Variants in ANLN observed in about 807,000 individuals in gnomAD.
ANLN encodes the protein anillin.
A neutral mutation model predicts 135.1 loss-of-function variants in ANLN; 59 were observed. That is an observed-to-expected ratio of 0.44 (90% CI 0.35 to 0.54). ANLN has a LOEUF of 0.54. ANLN is among the 20% of genes least tolerant of loss of function. The pLI is 0.00. For synonymous variants in ANLN, 406 were observed against 456.4 expected, an observed-to-expected ratio of 0.89 and a Z score of 1.41; for missense variants, 1,182 against 1,340.0, an observed-to-expected ratio of 0.88 and a Z score of 1.84.
At chr7:36,413,926 G>A (rs988790528) in intron 7 of ANLN, among the ~76,000 whole-genome samples, 3 of 151,948 alleles carry the variant, frequency 2.0e-5, no homozygotes, top group Admixed American at 6.5e-5. Flanking sequence ...CCTGGGAGTC[G>A]GAGGTTGCAG....
intron 7 of ANLN, among the ~76,000 whole-genome samples, chr7:36,413,726 C>T (rs1787521679): frequency 6.6e-6 from 1 of 152,162 alleles, no homozygotes; most frequent in Non-Finnish European, 1.5e-5. Context: ...CGTGGTGGCT[C>T]CCGCCTGTAA....
chr7:36,431,115 T>A (rs532611803), intron 20 of ANLN, among the ~76,000 whole-genome samples: 23 of 152,164 alleles, frequency 1.5e-4, no homozygotes, highest in African/African-American at 5.6e-4. Context: ...AACAATGGAA[T>A]TCTGTTAAAT....
At chr7:36,446,791 C>T (rs1789019662) in intron 22 of ANLN, among the ~76,000 whole-genome samples, 1 of 152,168 alleles carries the variant, frequency 6.6e-6, no homozygotes, top group African/African-American at 2.4e-5. Context: ...TTCACTGATC[C>T]ACAATGCCAT....
chr7:36,437,405 G>A (rs546738207), intron 20 of ANLN, among the ~76,000 whole-genome samples: 11 of 152,178 alleles, frequency 7.2e-5, no homozygotes, highest in East Asian at 1.9e-4. Context: ...TTGTATGTAT[G>A]TACCGCATTT....
At chr7:36,418,927 T>G (rs1787759378) in intron 9 of ANLN, among the ~76,000 whole-genome samples, 1 of 152,016 alleles carries the variant, frequency 6.6e-6, no homozygotes, top group African/African-American at 2.4e-5. Flanking sequence ...CTAATTTTTT[T>G]TGTATTTTTA....
rs1789325810 is a variant in ANLN at position 36,453,471 on chromosome 7, G to T, written c.*871G>T. 1 of 152,074 alleles carries T rather than the reference G, an allele frequency of 6.6e-6. No individual in the cohort carries two copies. The highest frequency in any genetic ancestry group is 1.5e-5 in the Non-Finnish European group (1 of 68,006). The allele number at this position is 152,074 out of a possible 1,614,324, so 9.4% of individuals were successfully genotyped here. The stretch of plus-strand genomic sequence containing the variant: ...GTTTGGGTTTTGTTGTTGTTTGTTT[G>T]TTTGTTTGTTTTTGGTTCATGAACA... On this transcript the variant is annotated 3_prime_UTR_variant, in exon 24 of 24. Transcript: ENST00000265748.
rs1328507661 is a variant in ANLN at position 36,425,774 on chromosome 7, G to A, written c.2748+34G>A. ...AATTTTTGAGAAATTGAGCTTCCTT[G>A]AGAAATCTTCATCTTACCCATACAG... On this transcript the variant is annotated intron_variant, in intron 18 of 23. Coordinates refer to ENST00000265748, the MANE Select transcript of ANLN (RefSeq NM_018685.5). 8 of 1,597,622 alleles carry A rather than the reference G, an allele frequency of 5.0e-6. No individual in the cohort carries two copies. In the African/African-American group the frequency reaches 9.4e-5, roughly 19 times the overall value.
In ANLN at chr7:36,406,265, C is replaced by A; in HGVS notation, c.572C>A (p.Ala191Asp). Residue 191 changes from alanine (A) to aspartate (D), a missense_variant, in exon 4 of 24, where the codon GCC becomes GAC. Ala to Asp is a moderately radical substitution (Grantham distance 126). This residue lies in a region of ANLN where 1,022 missense variants were observed against 1,134.0 expected (regional missense o/e 0.90). Transcript: ENST00000265748. ...CCTCCCAGACCTCTGCTTTCAAATGCCTCGGCAACTCCAGTTGGCAGAAGG... is the reference window on the plus strand; with the variant it reads ...CCTCCCAGACCTCTGCTTTCAAATGACTCGGCAACTCCAGTTGGCAGAAGG... Reference protein sequence around the residue: ...ASPPRPLLSNASATPVGRRGR... With the variant: ...ASPPRPLLSNDSATPVGRRGR... The A allele has an allele frequency of 1.9e-6, 3 of 1,614,156 alleles. No individual in the cohort carries two copies. The highest frequency in any genetic ancestry group is 2.2e-5 in the South Asian group (2 of 91,080).
rs181585300 is a variant in ANLN, at chr7:36,432,801, G to A, written c.2883+5773G>A. ...TGTTTTTGTTTTTGTTTTTTAAGGCGTTGGTAGGAAATAATGTATGCATCC... is the reference window on the plus strand; with the variant it reads ...TGTTTTTGTTTTTGTTTTTTAAGGCATTGGTAGGAAATAATGTATGCATCC... On this transcript the variant is annotated intron_variant, in intron 20 of 23. Coordinates refer to ENST00000265748, the MANE Select transcript of ANLN (RefSeq NM_018685.5). 1.0e-3 allele frequency among the ~76,000 whole-genome samples: 159 copies of A among 151,954 alleles called. 1 individual carries two copies. Among genetic ancestry groups the A allele is most frequent in the African/African-American group, 3.6e-3 (148 of 41,444 alleles).
At chr7:36,415,593 C>T (rs560869092) in intron 7 of ANLN, among the ~76,000 whole-genome samples, 165 bp from the exon 8 acceptor site, 23 of 152,148 alleles carry the variant, frequency 1.5e-4, no homozygotes, top group Admixed American at 3.9e-4. Flanking sequence ...GAGGGTTTGT[C>T]GTGTTCTGAA....
At position 36,416,719 on chromosome 7, in the gene ANLN, A is replaced by G. The variant is rs114623111; in HGVS notation, c.1523-361A>G. On this transcript the variant is annotated intron_variant, in intron 8 of 23. Coordinates refer to ENST00000265748, the MANE Select transcript of ANLN (RefSeq NM_018685.5). ...GCACACCTTGGGGGAAACTGGAAAA[A>G]CAAACAATAACCTGGTAATATTGCT... Among the ~76,000 whole-genome samples, 368 of 152,160 alleles carry G rather than the reference A, an allele frequency of 2.4e-3. 2 individuals carry two copies. Among genetic ancestry groups the G allele is most frequent in the African/African-American group, 8.7e-3 (360 of 41,520 alleles).
intron 23 of ANLN, among the ~76,000 whole-genome samples, chr7:36,451,665 A>G (rs1789249887): frequency 6.6e-6 from 1 of 152,210 alleles, no homozygotes; most frequent in Non-Finnish European, 1.5e-5. Flanking sequence ...TATTTTCTTC[A>G]TTGACTACCA....
At chr7:36,416,930 G>T in intron 8 of ANLN, 150 bp from the exon 9 acceptor site, 1 of 508,356 alleles carries the variant, frequency 2.0e-6, no homozygotes, top group Non-Finnish European at 3.5e-6. Flanking sequence ...GGTGTTCAGG[G>T]AGGGGTGTTT....
At chr7:36,440,504 G>A (rs1341891870) in intron 21 of ANLN, among the ~76,000 whole-genome samples, 1 of 152,190 alleles carries the variant, frequency 6.6e-6, no homozygotes, top group African/African-American at 2.4e-5. Flanking sequence ...CTTTGGCAGT[G>A]AAGGAGTAAG....
chr7:36,418,943 G>A (rs547286712), intron 9 of ANLN, among the ~76,000 whole-genome samples: 2 of 152,088 alleles, frequency 1.3e-5, no homozygotes, highest in Non-Finnish European at 2.9e-5. Flanking sequence ...TTTTAGTAGA[G>A]ACTGGGCTTT....
chr7:36,445,818 G>A (rs1412604689), intron 22 of ANLN, among the ~76,000 whole-genome samples: 1 of 152,180 alleles, frequency 6.6e-6, no homozygotes, highest in Non-Finnish European at 1.5e-5. Flanking sequence ...GTGGTTGTAC[G>A]ATTTTCCATT....
intron 9 of ANLN, 37 bp from the exon 10 acceptor site, chr7:36,419,207 C>A: frequency 7.0e-7 from 1 of 1,428,764 alleles, no homozygotes; most frequent in Non-Finnish European, 9.8e-7. Flanking sequence ...TCTTAAATAT[C>A]TGAGTCACAG....
intron 22 of ANLN, among the ~76,000 whole-genome samples, chr7:36,447,770 A>G (rs1332826093): frequency 6.6e-6 from 1 of 152,152 alleles, no homozygotes; most frequent in Non-Finnish European, 1.5e-5. Context: ...AGGAGATTAC[A>G]TCATGCTGCT....
At chr7:36,450,803 C>A (rs972666024) in intron 23 of ANLN, among the ~76,000 whole-genome samples, 1 of 152,200 alleles carries the variant, frequency 6.6e-6, no homozygotes. Flanking sequence ...AGGAACCAAC[C>A]AAAGTGCAGT....
Sources: gnomAD v4.1 joint callset for allele counts (sites outside exome capture counted in the v4.1 genomes callset) on GRCh38, gnomAD v4.1.1 for gene constraint, gnomAD v4.1.1 regional missense constraint, MANE v1.5 for transcripts, NCBI Gene and HGNC (gene_info 2026-07-23, HGNC 2026-07-21) for gene names.